CDH8: variants seen among roughly 807,000 people sequenced by gnomAD.
The protein encoded by CDH8 is cadherin 8.
In CDH8, 17 loss-of-function variants were observed where a neutral mutation model predicts 68.1. The observed-to-expected ratio is 0.25, with a 90% CI of 0.17 to 0.37. The LOEUF is 0.37. Ranked by LOEUF, CDH8 falls within the 10% of genes least tolerant of loss-of-function variation. The pLI, the probability that CDH8 is intolerant of heterozygous loss-of-function variation, is 1.00. For missense variants in CDH8, 763 were observed against 999.3 expected (o/e 0.76, Z 3.19); for synonymous variants, 372 against 365.1 (o/e 1.02, Z -0.21).
chr16:61,918,994 G>A (rs534938739), intron 2 of CDH8, among the ~76,000 whole-genome samples: 5 of 147,454 alleles, frequency 3.4e-5, no homozygotes, highest in Non-Finnish European at 7.4e-5. Flanking sequence ...GCCTCTTCAA[G>A]TGGGTCCCTG....
At chr16:61,764,144 G>A (rs149473275) in intron 8 of CDH8, among the ~76,000 whole-genome samples, 14 of 152,112 alleles carry the variant, frequency 9.2e-5, no homozygotes, top group African/African-American at 3.4e-4. Flanking sequence ...CTATGATATT[G>A]ATATTATCAT....
chr16:61,963,559 G>A (rs1251404376), intron 2 of CDH8, among the ~76,000 whole-genome samples: 1 of 152,210 alleles, frequency 6.6e-6, no homozygotes, highest in Non-Finnish European at 1.5e-5. Context: ...GGGGCCTCAG[G>A]CCAAGGGAGG....
chr16:61,737,762 C>T lies in CDH8; in HGVS notation c.1415-10547G>A, dbSNP rs188802040. Among the ~76,000 whole-genome samples, 829 of 152,134 alleles carry T rather than the reference C, an allele frequency of 5.4e-3. 8 individuals are homozygous for T. The highest frequency in any genetic ancestry group is 0.018 in the South Asian group (85 of 4,812). ...TACAGTATTGTTTTTATGCATTCCCCTTTCTCTGTTATGGCAACTGTATTC... is the reference window on the plus strand; with the variant it reads ...TACAGTATTGTTTTTATGCATTCCCTTTTCTCTGTTATGGCAACTGTATTC... On this transcript the variant is annotated intron_variant, in intron 8 of 11. Coordinates refer to ENST00000577390, the MANE Select transcript of CDH8 (RefSeq NM_001796.5).
chr16:61,901,101 G>C, intron 3 of CDH8, 78 bp downstream of exon 3: 1 of 1,281,880 alleles, frequency 7.8e-7, no homozygotes, highest in South Asian at 1.4e-5. Flanking sequence ...CTTTCATTCA[G>C]CAATACACCA....
At chr16:62,017,539 C>A (rs1901970243) in intron 2 of CDH8, among the ~76,000 whole-genome samples, 1 of 152,020 alleles carries the variant, frequency 6.6e-6, no homozygotes. Flanking sequence ...CAAAAATAGC[C>A]AAGCATGGTG....
chr16:61,841,070 T>C (rs113687314), intron 4 of CDH8, among the ~76,000 whole-genome samples: 26 of 152,300 alleles, frequency 1.7e-4, no homozygotes, highest in African/African-American at 5.8e-4. Flanking sequence ...GAGTACTCCA[T>C]TGTGTATATC....
intron 2 of CDH8, among the ~76,000 whole-genome samples, chr16:61,942,255 G>T (rs1305813988): frequency 6.6e-6 from 1 of 152,118 alleles, no homozygotes; most frequent in African/African-American, 2.4e-5. Context: ...GTACTTGGGA[G>T]ATCAAGGTGA....
At position 61,946,963 on chromosome 16, in the gene CDH8, T is replaced by A. The variant is rs77707666; in HGVS notation, c.253-45490A>T. ...TTGATGTTCCATGTAGAACACAGAA[T>A]CAAACTGTGTGGTAACTAAGATTGG... On this transcript the variant is annotated intron_variant, in intron 2 of 11. Transcript: ENST00000577390. Among the ~76,000 whole-genome samples, 156 of 152,314 alleles carry A rather than the reference T, an allele frequency of 1.0e-3. 4 individuals are homozygous for A. Among genetic ancestry groups the A allele is most frequent in the East Asian group, 9.3e-3 (48 of 5,176 alleles).
At chr16:62,012,919 C>T (rs548856399) in intron 2 of CDH8, among the ~76,000 whole-genome samples, 2 of 152,114 alleles carry the variant, frequency 1.3e-5, no homozygotes, top group Non-Finnish European at 2.9e-5. Flanking sequence ...CACATCAAAA[C>T]AGTGAATAGT....
chr16:61,762,388 T>C (rs1298353553), intron 8 of CDH8, among the ~76,000 whole-genome samples: 1 of 152,192 alleles, frequency 6.6e-6, no homozygotes, highest in Non-Finnish European at 1.5e-5. Context: ...TAAAACTGCA[T>C]GCAAACATTG....
chr16:61,807,460 A>G (rs543813525), intron 7 of CDH8, among the ~76,000 whole-genome samples: 132 of 152,270 alleles, frequency 8.7e-4, no homozygotes, highest in Non-Finnish European at 1.5e-3. Flanking sequence ...CATGTACCCT[A>G]AAACTTAAAG....
intron 9 of CDH8, among the ~76,000 whole-genome samples, chr16:61,714,753 C>T (rs903894311): frequency 3.3e-5 from 5 of 151,394 alleles, no homozygotes; most frequent in African/African-American, 9.7e-5. Flanking sequence ...ATGTGACAAG[C>T]GGGACAAGAG....
intron 7 of CDH8, among the ~76,000 whole-genome samples, chr16:61,816,633 A>G (rs1329146699): frequency 6.6e-6 from 1 of 152,174 alleles, no homozygotes; most frequent in Non-Finnish European, 1.5e-5. Flanking sequence ...TCATTAGCCA[A>G]CACTTCACCC....
chr16:61,706,171 A>G (rs1347540931), intron 10 of CDH8, among the ~76,000 whole-genome samples: 2 of 152,204 alleles, frequency 1.3e-5, no homozygotes, highest in Non-Finnish European at 2.9e-5. Flanking sequence ...AAGAGGAAAA[A>G]CTTTACAGCA....
Position 62,015,675 on chromosome 16 carries a change from A to G in CDH8, c.252+5477T>C, listed in dbSNP as rs573361808. On this transcript the variant is annotated intron_variant, in intron 2 of 11. Transcript: ENST00000577390. ...TACGACCTTCGTATGTTGAAGTTCT[A>G]ATCTTCAATTTGATGGTATTAAGAG... 2.0e-5 allele frequency among the ~76,000 whole-genome samples: 3 copies of G among 152,306 alleles called. No individual in the cohort carries two copies. The East Asian group carries it at 5.8e-4, about 29-fold the overall frequency.
intron 2 of CDH8, among the ~76,000 whole-genome samples, chr16:61,961,533 T>C (rs1210510180): frequency 6.6e-6 from 1 of 152,158 alleles, no homozygotes; most frequent in African/African-American, 2.4e-5. Flanking sequence ...AGCTGCTTCT[T>C]GTCTCAGGGA....
intron 10 of CDH8, among the ~76,000 whole-genome samples, chr16:61,684,037 C>T (rs528790930): frequency 8.5e-5 from 13 of 152,150 alleles, no homozygotes; most frequent in African/African-American, 3.1e-4. Context: ...TATTTGCTCG[C>T]CATTGCACCC....
At chr16:61,814,499 C>G (rs995897334) in intron 7 of CDH8, among the ~76,000 whole-genome samples, 2 of 152,118 alleles carry the variant, frequency 1.3e-5, no homozygotes, top group Non-Finnish European at 2.9e-5. Flanking sequence ...ACAATGTGCT[C>G]TAAAAAGAAA....
rs1326605571 is a variant in CDH8 at position 61,649,490 on chromosome 16, T to G, written c.*4118A>C. The stretch of plus-strand genomic sequence containing the variant: ...TTCTTTTTAATGTTGATATTCATGT[T>G]TAAGTTGTGCATTTATAGAGCTTTT... On this transcript the variant is annotated 3_prime_UTR_variant, in exon 12 of 12. Coordinates refer to ENST00000577390, the MANE Select transcript of CDH8 (RefSeq NM_001796.5). The G allele has an allele frequency of 6.6e-6, 1 of 151,848 alleles. No individual in the cohort carries two copies. The highest frequency in any genetic ancestry group is 2.4e-5 in the African/African-American group (1 of 41,384). The allele number at this position is 151,848 out of a possible 1,614,324, so 9.4% of individuals were successfully genotyped here.
Sources: gnomAD v4.1 joint callset for allele counts (sites outside exome capture counted in the v4.1 genomes callset) on GRCh38, gnomAD v4.1.1 for gene constraint, MANE v1.5 for transcripts, NCBI Gene and HGNC (gene_info 2026-07-23, HGNC 2026-07-21) for gene names.